Variants in DYSF observed in about 807,000 individuals in gnomAD.
DYSF encodes dysferlin.
In DYSF, 212 loss-of-function variants were observed where a neutral mutation model predicts 274.9. The observed-to-expected ratio is 0.77, with a 90% confidence interval of 0.69 to 0.86. The LOEUF (loss-of-function observed/expected upper bound fraction) is 0.86, where lower values mean the gene tolerates loss of function less well. DYSF is among the 40% of genes least tolerant of loss of function. The pLI is 0.00. For missense variants in DYSF, 2,666 were observed against 2,783.2 expected, an observed-to-expected ratio of 0.96 and a Z score of 0.95; for synonymous variants, 1,091 against 1,078.7, an observed-to-expected ratio of 1.01 and a Z score of -0.22.
chr2:71,589,548 C>A (rs1048188257), intron 30 of DYSF, 45 bp from the exon 31 acceptor site: 1 of 1,561,068 alleles, frequency 6.4e-7, no homozygotes, highest in Non-Finnish European at 8.8e-7. Context: ...CTGCCACCCC[C>A]AGGCCTGGGG....
intron 36 of DYSF, among the ~76,000 whole-genome samples, chr2:71,604,041 T>G (rs983782477): frequency 6.6e-6 from 1 of 151,990 alleles, no homozygotes; most frequent in African/African-American, 2.4e-5. Context: ...AGGGTGGGTG[T>G]GGGTCAGCAG....
chr2:71,478,318 TCTC>T (rs1332672434), intron 1 of DYSF, among the ~76,000 whole-genome samples: 1 of 151,782 alleles, frequency 6.6e-6, no homozygotes, highest in African/African-American at 2.4e-5. Context: ...TTCACGCCAT[TCTC>T]CTGCCTCAGC....
chr2:71,681,219 C>T, intron 54 of DYSF, 109 bp downstream of exon 54: 1 of 1,043,118 alleles, frequency 9.6e-7, no homozygotes, highest in South Asian at 1.3e-5. Context: ...GCCCACGTGG[C>T]TCAGAGAGGG....
At chr2:71,569,183 ATTC>A (rs2092289958) in intron 26 of DYSF, among the ~76,000 whole-genome samples, 3 of 152,310 alleles carry the variant, frequency 2.0e-5, no homozygotes, top group African/African-American at 7.2e-5. Context: ...CCAGGCCTTT[ATTC>A]TTAAGCCTTC....
At chr2:71,552,940 A>G in intron 19 of DYSF, 71 bp from the exon 20 acceptor site, 1 of 1,546,872 alleles carries the variant, frequency 6.5e-7, no homozygotes, top group Non-Finnish European at 8.9e-7. Flanking sequence ...TGCCAGACGT[A>G]TGTCCCCTCC....
chr2:71,551,796 G>C (rs2090969397), intron 19 of DYSF, 76 bp downstream of exon 19: 1 of 1,232,388 alleles, frequency 8.1e-7, no homozygotes, highest in Non-Finnish European at 1.2e-6. Flanking sequence ...TGGCCTTGAG[G>C]TGTCATGGCC....
chr2:71,663,280 C>T (rs1200326331), intron 45 of DYSF, among the ~76,000 whole-genome samples: 3 of 152,218 alleles, frequency 2.0e-5, no homozygotes, highest in Non-Finnish European at 2.9e-5. Flanking sequence ...CAGAGAGCCC[C>T]CCGTGAGCCC....
At chr2:71,512,024 G>T in intron 5 of DYSF, 103 bp downstream of exon 5, 1 of 781,352 alleles carries the variant, frequency 1.3e-6, no homozygotes. Context: ...AGCCTTTGCT[G>T]CCCTCCCCAG....
At chr2:71,654,118 A>G (rs2094722381) in intron 42 of DYSF, among the ~76,000 whole-genome samples, 1 of 152,230 alleles carries the variant, frequency 6.6e-6, no homozygotes, top group Non-Finnish European at 1.5e-5. Flanking sequence ...GATGAGCAGA[A>G]GAAATACAAA....
chr2:71,655,813 A>T (rs545851379), intron 42 of DYSF, among the ~76,000 whole-genome samples: 13 of 152,276 alleles, frequency 8.5e-5, no homozygotes, highest in African/African-American at 3.1e-4. Flanking sequence ...GATGACTCTC[A>T]GGTACTTACA....
chr2:71,539,370 C>G (rs1573842814), intron 17 of DYSF, 131 bp downstream of exon 17: 1 of 773,172 alleles, frequency 1.3e-6, no homozygotes, highest in East Asian at 2.7e-5. Context: ...GCCCATTTTC[C>G]ACTGAGAAGA....
intron 17 of DYSF, among the ~76,000 whole-genome samples, chr2:71,547,592 T>C (rs962764678): frequency 6.6e-6 from 1 of 152,026 alleles, no homozygotes; most frequent in African/African-American, 2.4e-5. Context: ...TGAGCCGAGA[T>C]TGGGCCACTG....
In DYSF at chr2:71,674,292, T is replaced by G; in HGVS notation, c.5880T>G (p.Phe1960Leu). The G allele has an allele frequency of 6.2e-7, 1 of 1,614,192 alleles. No homozygotes were observed. The highest frequency in any genetic ancestry group is 8.5e-7 in the Non-Finnish European group (1 of 1,179,994). ...WDNDKFSFDD[F>L]LGSLQLDLNR... ...ATGACAAGTTCTCCTTTGATGATTT[T>G]CTGGGTAAGCGCTATTGCTAGAATC... Residue 1960 changes from phenylalanine to leucine, a missense_variant, in exon 52 of 56, where the codon TTT (phenylalanine) becomes TTG (leucine). Transcript: ENST00000410020.
intron 43 of DYSF, among the ~76,000 whole-genome samples, chr2:71,658,357 C>T (rs1166990789): frequency 6.6e-6 from 1 of 152,216 alleles, no homozygotes; most frequent in African/African-American, 2.4e-5. Context: ...TAGTTTTCCA[C>T]GTTTTCCCAT....
At chr2:71,601,255 C>T in intron 34 of DYSF, 1 of 626,880 alleles carries the variant, frequency 1.6e-6, no homozygotes, top group Non-Finnish European at 2.8e-6. Context: ...TGGACCTGTA[C>T]CTTCAAACTT....
intron 32 of DYSF, among the ~76,000 whole-genome samples, chr2:71,594,835 C>G (rs1356394707): frequency 1.3e-5 from 2 of 152,206 alleles, no homozygotes; most frequent in African/African-American, 4.8e-5. Context: ...GCTCCTCACC[C>G]CTGCCCCTGT....
intron 52 of DYSF, among the ~76,000 whole-genome samples, chr2:71,677,790 T>C (rs1422316295): frequency 6.6e-6 from 1 of 152,196 alleles, no homozygotes; most frequent in African/African-American, 2.4e-5. Context: ...GGCAGTTCCT[T>C]GAAAAGCTGA....
At chr2:71,618,865 TCTGTCGGGTGGGTG>T (rs2094017637) in intron 40 of DYSF, among the ~76,000 whole-genome samples, 1 of 151,808 alleles carries the variant, frequency 6.6e-6, no homozygotes, top group Admixed American at 6.6e-5. Flanking sequence ...GTTTCCTCAC[TCTGTCGGGTGGGTG>T]CTGGGGCTGG....
intron 3 of DYSF, among the ~76,000 whole-genome samples, chr2:71,502,802 G>A (rs780796515): frequency 2.0e-5 from 3 of 152,164 alleles, no homozygotes; most frequent in Admixed American, 6.5e-5. Context: ...CAATACAGAC[G>A]GCCTGTGTAG....
Sources: allele counts gnomAD v4.1 joint callset (sites outside exome capture counted in the v4.1 genomes callset), GRCh38; gene constraint gnomAD v4.1.1; transcripts MANE v1.5; gene names NCBI Gene and HGNC (gene_info 2026-07-23, HGNC 2026-07-21).